The following KIF6 variants were observed in gnomAD, a reference collection of about 807,000 sequenced individuals.
KIF6 encodes the protein kinesin family member 6.
A neutral mutation model predicts 112.7 loss-of-function variants in KIF6; 106 were observed. The ratio of observed to expected loss-of-function variants is 0.94; its 90% confidence interval spans 0.80 to 1.11. The LOEUF is 1.11. Among genes scored for constraint, KIF6 ranks in the 50% least tolerant of loss-of-function variants. The pLI, the probability that KIF6 is intolerant of heterozygous loss-of-function variation, is 0.00. For synonymous variants in KIF6, 339 were observed against 339.9 expected (o/e 1.00, Z 0.03); for missense variants, 929 against 964.0 (o/e 0.96, Z 0.48).
intron 10 of KIF6, among the ~76,000 whole-genome samples, chr6:39,562,183 G>T (rs1027293305): frequency 6.6e-6 from 1 of 152,128 alleles, no homozygotes; most frequent in African/African-American, 2.4e-5. Flanking sequence ...ATCAGCTGTG[G>T]TTACTTCTAC....
At chr6:39,651,353 G>C (rs187630984) in intron 3 of KIF6, among the ~76,000 whole-genome samples, 71 of 152,304 alleles carry the variant, frequency 4.7e-4, no homozygotes, top group Admixed American at 2.0e-3. Context: ...GGGAGGATCT[G>C]TCTGAGAAGT....
intron 19 of KIF6, chr6:39,354,200 T>C: frequency 3.4e-6 from 1 of 297,560 alleles, no homozygotes; most frequent in Non-Finnish European, 6.7e-6. Flanking sequence ...CACCCTCCTG[T>C]CTCAGGCTGC....
intron 13 of KIF6, among the ~76,000 whole-genome samples, chr6:39,538,326 G>C (rs1003488195): frequency 6.6e-6 from 1 of 151,656 alleles, no homozygotes; most frequent in African/African-American, 2.4e-5. Flanking sequence ...ATCTGACAGA[G>C]GGCTAATATC....
chr6:39,530,122 T>C (rs915806675), intron 13 of KIF6, among the ~76,000 whole-genome samples: 1 of 152,230 alleles, frequency 6.6e-6, no homozygotes, highest in African/African-American at 2.4e-5. Flanking sequence ...ACCTTGGCAT[T>C]GCCTACAGCA....
rs547573770 is a variant in KIF6, at chr6:39,431,591, T to C, written c.1646-430A>G. ...AGGAATTATAATCCAAACTGAAAGATAGCATCTAGAAAATTCTGCTCTTAG... is the reference window on the plus strand; with the variant it reads ...AGGAATTATAATCCAAACTGAAAGACAGCATCTAGAAAATTCTGCTCTTAG... On this transcript the variant is annotated intron_variant, in intron 13 of 22. Transcript: ENST00000287152. 9.8e-5 allele frequency among the ~76,000 whole-genome samples: 15 copies of C among 152,348 alleles called. No homozygotes were observed. In the South Asian group the frequency reaches 1.0e-3, roughly 11 times the overall value.
intron 6 of KIF6, among the ~76,000 whole-genome samples, chr6:39,598,464 T>C (rs377464489): frequency 6.6e-6 from 1 of 152,112 alleles, no homozygotes; most frequent in South Asian, 2.1e-4. Flanking sequence ...AGAATAAATT[T>C]TGAGAGCAAT....
At chr6:39,511,910 C>T (rs1776808897) in intron 13 of KIF6, among the ~76,000 whole-genome samples, 1 of 152,134 alleles carries the variant, frequency 6.6e-6, no homozygotes, top group African/African-American at 2.4e-5. Context: ...CACATGGACA[C>T]AGGGAGGGGA....
intron 22 of KIF6, among the ~76,000 whole-genome samples, chr6:39,339,205 A>G (rs1415786612): frequency 6.6e-6 from 1 of 152,174 alleles, no homozygotes; most frequent in African/African-American, 2.4e-5. Context: ...GTGTTGGGCC[A>G]GCTCTCACCA....
chr6:39,518,597 C>A (rs1207166173), intron 13 of KIF6, among the ~76,000 whole-genome samples: 3 of 152,130 alleles, frequency 2.0e-5, no homozygotes, highest in Non-Finnish European at 4.4e-5. Context: ...AGTTTGTGAT[C>A]ACAAATATAT....
intron 19 of KIF6, among the ~76,000 whole-genome samples, chr6:39,352,694 C>A (rs1764351325): frequency 6.6e-6 from 1 of 151,632 alleles, no homozygotes; most frequent in African/African-American, 2.4e-5. Flanking sequence ...ACCTCTGCCT[C>A]CTCGGTTCAA....
chr6:39,370,141 C>T (rs1765858886), intron 16 of KIF6, among the ~76,000 whole-genome samples: 2 of 152,202 alleles, frequency 1.3e-5, no homozygotes, highest in South Asian at 4.1e-4. Context: ...GCCTCATGGA[C>T]TCGTGGTGAC....
chr6:39,438,314 CTACTTA>C (rs1199147776), intron 13 of KIF6, among the ~76,000 whole-genome samples: 5 of 152,138 alleles, frequency 3.3e-5, no homozygotes, highest in Admixed American at 1.3e-4. Context: ...TGTACTTCTT[CTACTTA>C]TAAGTTAACT....
intron 19 of KIF6, among the ~76,000 whole-genome samples, chr6:39,354,978 G>T (rs1386332226): frequency 6.6e-6 from 1 of 152,094 alleles, no homozygotes; most frequent in Non-Finnish European, 1.5e-5. Context: ...AGAAATTCAA[G>T]ACCAGCCTGG....
intron 3 of KIF6, among the ~76,000 whole-genome samples, chr6:39,693,038 T>C (rs1277997957): frequency 6.6e-6 from 1 of 152,222 alleles, no homozygotes; most frequent in East Asian, 1.9e-4. Context: ...AGGGCATGAC[T>C]CAGTAGTGGT....
chr6:39,700,028 T>C (rs143068297), intron 3 of KIF6, among the ~76,000 whole-genome samples: 1 of 152,218 alleles, frequency 6.6e-6, no homozygotes, highest in Non-Finnish European at 1.5e-5. Context: ...TTTTTGTGGG[T>C]CCATAGTAGG....
intron 13 of KIF6, among the ~76,000 whole-genome samples, chr6:39,497,579 C>T (rs1355380345): frequency 6.6e-6 from 1 of 151,814 alleles, no homozygotes; most frequent in Non-Finnish European, 1.5e-5. Flanking sequence ...CAGTCTAAGG[C>T]AGGCTCAGAA....
At chr6:39,448,218 A>G (rs1339854550) in intron 13 of KIF6, among the ~76,000 whole-genome samples, 1 of 152,032 alleles carries the variant, frequency 6.6e-6, no homozygotes, top group African/African-American at 2.4e-5. Flanking sequence ...CTTGTCGCCC[A>G]AGCTGGAGTG....
At chr6:39,484,178 G>T (rs1774977121) in intron 13 of KIF6, among the ~76,000 whole-genome samples, 1 of 152,156 alleles carries the variant, frequency 6.6e-6, no homozygotes. Flanking sequence ...TCCCTATCAT[G>T]TTGTAGGGGC....
chr6:39,555,953 CAAAAAAAAAAA>C (rs35420944), intron 10 of KIF6, among the ~76,000 whole-genome samples: 1 of 77,720 alleles, frequency 1.3e-5, no homozygotes, highest in African/African-American at 4.8e-5. Context: ...GACGCTGTCT[CAAAAAAAAAAA>C]AAAAAAAAAA....
Sources: allele counts gnomAD v4.1 joint callset (sites outside exome capture counted in the v4.1 genomes callset), GRCh38; gene constraint gnomAD v4.1.1; transcripts MANE v1.5; gene names NCBI Gene and HGNC (gene_info 2026-07-23, HGNC 2026-07-21).